Variants in XRRA1 observed in about 807,000 individuals in gnomAD.
XRRA1 encodes the protein X-ray radiation resistance associated 1, also known as X-ray radiation resistance-associated protein 1.
XRRA1 carries 69 observed loss-of-function variants against 80.2 expected under a neutral mutation model. That is an observed-to-expected ratio of 0.86 (90% CI 0.71 to 1.05). The LOEUF (loss-of-function observed/expected upper bound fraction) is 1.05. Among genes scored for constraint, XRRA1 ranks in the 50% least tolerant of loss-of-function variants. The pLI is 0.00. For synonymous variants in XRRA1, 348 were observed against 389.9 expected, an observed-to-expected ratio of 0.89 and a Z score of 1.27; for missense variants, 967 against 976.4, an observed-to-expected ratio of 0.99 and a Z score of 0.13.
chr11:74,947,913 C>T (rs553426996), intron 1 of XRRA1, among the ~76,000 whole-genome samples: 36 of 151,968 alleles, frequency 2.4e-4, no homozygotes, highest in African/African-American at 8.4e-4. Context: ...TTAGTAGAGA[C>T]GGGGTTTCAC....
intron 10 of XRRA1, among the ~76,000 whole-genome samples, chr11:74,887,598 C>T (rs1176525445): frequency 6.6e-6 from 1 of 152,086 alleles, no homozygotes; most frequent in Non-Finnish European, 1.5e-5. Context: ...TGCAGCGCAC[C>T]GAGTGTGAGC....
In XRRA1 at chr11:74,948,249, GT is replaced by G. The variant is rs10706086; in HGVS notation, c.-73+678del. Among the ~76,000 whole-genome samples, 1,286 of 151,124 alleles carry G rather than the reference GT, an allele frequency of 8.5e-3. 20 individuals are homozygous for G. The highest frequency in any genetic ancestry group is 0.028 in the African/African-American group (1,145 of 40,876). ...TTGATAACTCTGTCATGGAGTAGTA[GT>G]TCCACCAGAGTAGCAACCAGGTCTA... On this transcript the variant is annotated intron_variant, in intron 1 of 18. Coordinates refer to ENST00000684022, the MANE Select transcript of XRRA1 (RefSeq NM_001378157.1).
chr11:74,932,700 G>A (rs79633738), intron 5 of XRRA1, among the ~76,000 whole-genome samples: 5 of 152,216 alleles, frequency 3.3e-5, no homozygotes, highest in Admixed American at 1.3e-4. Context: ...ACCGTTATAT[G>A]TGAACTATAT....
In XRRA1 at chr11:74,842,309, GTGT is replaced by G. The variant is rs1224501204; in HGVS notation, c.*888_*890del. ...ATGGCATGGAATCAAGTGGGCTGAT[GTGT>G]TGTTATTTAAACAGTACCAAAGTGC... On this transcript the variant is annotated 3_prime_UTR_variant, in exon 19 of 19. Transcript: ENST00000684022. The G allele has an allele frequency of 2.6e-5, 4 of 152,224 alleles. No individual in the cohort carries two copies. Among genetic ancestry groups the G allele is most frequent in the African/African-American group, 9.6e-5 (4 of 41,456 alleles). 9.4% of individuals were successfully genotyped at this position (152,224 alleles called of 1,614,324 possible). A position where few individuals can be genotyped will look rare whatever the true frequency, so the allele number is the denominator to read the frequency against.
Position 74,921,279 on chromosome 11 carries a change from G to C in XRRA1, c.591C>G (p.Leu197=). Residue 197 remains leucine, a synonymous_variant, in exon 8 of 19, where the codon CTC becomes CTG. Transcript: ENST00000684022. ...CATTGCCTGTGAGGAGCAGGACACG[G>C]AGGTGTGGCAGAATCCCCAAATCAC... ...AICDLGILPH[L]RVLLLTGNGL... 1.2e-6 allele frequency: 2 copies of C among 1,614,022 alleles called. No homozygotes were observed. Among genetic ancestry groups the C allele is most frequent in the Non-Finnish European group, 1.7e-6 (2 of 1,179,882 alleles).
chr11:74,883,311 A>C (rs1336827469), intron 10 of XRRA1, among the ~76,000 whole-genome samples: 3 of 151,176 alleles, frequency 2.0e-5, no homozygotes, highest in Non-Finnish European at 4.4e-5. Flanking sequence ...TGACTCAGGA[A>C]GGGAACTCCC....
intron 14 of XRRA1, among the ~76,000 whole-genome samples, chr11:74,849,196 T>C (rs1417401702): frequency 6.6e-6 from 1 of 152,194 alleles, no homozygotes; most frequent in African/African-American, 2.4e-5. Context: ...GGTTCACTTA[T>C]ATCTGTACTT....
intron 11 of XRRA1, among the ~76,000 whole-genome samples, chr11:74,861,144 G>A (rs945955306): frequency 6.6e-6 from 1 of 152,200 alleles, no homozygotes; most frequent in Non-Finnish European, 1.5e-5. Flanking sequence ...GAGGGGGCAT[G>A]AAAGCTCTCA....
intron 11 of XRRA1, among the ~76,000 whole-genome samples, chr11:74,862,268 C>T (rs572666158): frequency 3.9e-4 from 56 of 143,324 alleles, no homozygotes; most frequent in African/African-American, 1.2e-3. Context: ...GGAATCACTT[C>T]GTCGACTCAA....
intron 10 of XRRA1, among the ~76,000 whole-genome samples, chr11:74,884,710 T>C (rs1157764424): frequency 6.6e-6 from 1 of 152,220 alleles, no homozygotes; most frequent in African/African-American, 2.4e-5. Context: ...CATGAGACAA[T>C]GAACCTTAGG....
intron 10 of XRRA1, among the ~76,000 whole-genome samples, chr11:74,892,211 A>G (rs1163023636): frequency 3.9e-5 from 6 of 152,196 alleles, no homozygotes; most frequent in African/African-American, 1.4e-4. Context: ...ACAGAGATAT[A>G]GACCAATGGA....
chr11:74,872,835 C>T (rs2045163180), intron 10 of XRRA1, among the ~76,000 whole-genome samples: 1 of 152,170 alleles, frequency 6.6e-6, no homozygotes, highest in African/African-American at 2.4e-5. Flanking sequence ...GACATTGGAA[C>T]CAGCATCCCT....
chr11:74,897,598 G>C (rs763924051), intron 10 of XRRA1, among the ~76,000 whole-genome samples: 4 of 150,702 alleles, frequency 2.7e-5, no homozygotes, highest in Non-Finnish European at 5.9e-5. Context: ...CCTAAAAGCA[G>C]TAAGAGATAA....
chr11:74,948,376 T>C (rs1182154270), intron 1 of XRRA1, among the ~76,000 whole-genome samples: 2 of 149,514 alleles, frequency 1.3e-5, no homozygotes, highest in African/African-American at 5.0e-5. Flanking sequence ...TATAATACAA[T>C]ACTGCTATTT....
chr11:74,883,466 C>T (rs556405197), intron 10 of XRRA1, among the ~76,000 whole-genome samples: 4 of 152,114 alleles, frequency 2.6e-5, no homozygotes, highest in South Asian at 2.1e-4. Context: ...AGAAATCACC[C>T]GTCTTCTGTG....
intron 10 of XRRA1, among the ~76,000 whole-genome samples, chr11:74,888,481 A>G (rs2049691152): frequency 6.6e-6 from 1 of 152,216 alleles, no homozygotes; most frequent in African/African-American, 2.4e-5. Context: ...AACAGAGCAG[A>G]AAAACTGGAA....
intron 10 of XRRA1, among the ~76,000 whole-genome samples, chr11:74,901,831 G>A (rs77403805): frequency 2.4e-3 from 369 of 152,282 alleles, no homozygotes; most frequent in Non-Finnish European, 4.2e-3. Flanking sequence ...AAAACATTGA[G>A]GAAACTTTCC....
intron 11 of XRRA1, among the ~76,000 whole-genome samples, chr11:74,862,094 T>C (rs570057711): frequency 3.9e-5 from 6 of 152,310 alleles, no homozygotes; most frequent in African/African-American, 1.4e-4. Flanking sequence ...CCTTGCTCTC[T>C]TGAAACCCTG....
intron 18 of XRRA1, 151 bp from the exon 19 acceptor site, chr11:74,843,604 G>C: frequency 9.3e-7 from 1 of 1,076,810 alleles, no homozygotes; most frequent in Non-Finnish European, 1.3e-6. Context: ...AGCTTGGGAA[G>C]TCACTGACTT....
Sources: allele counts gnomAD v4.1 joint callset (sites outside exome capture counted in the v4.1 genomes callset), GRCh38; gene constraint gnomAD v4.1.1; transcripts MANE v1.5; gene names NCBI Gene and HGNC (gene_info 2026-07-23, HGNC 2026-07-21).